Variants in BLVRA observed in about 807,000 individuals in gnomAD.
The protein encoded by BLVRA is BVR A.
Under a neutral mutation model 32.8 loss-of-function variants are expected in BLVRA, and 22 were observed. The observed-to-expected ratio is 0.67, with a 90% CI of 0.48 to 0.96. BLVRA has a LOEUF of 0.96. Ranked by LOEUF, BLVRA falls within the 40% of genes least tolerant of loss-of-function variation. BLVRA has a pLI of 0.00. For synonymous variants in BLVRA, 119 were observed against 141.3 expected (o/e 0.84, Z 1.12); for missense variants, 323 against 358.1 (o/e 0.90, Z 0.79).
At chr7:43,765,153 T>C (rs1446969688) in intron 1 of BLVRA, among the ~76,000 whole-genome samples, 1 of 152,242 alleles carries the variant, frequency 6.6e-6, no homozygotes, top group Non-Finnish European at 1.5e-5. Context: ...TGCAAAGGTG[T>C]TGACTTTTTT....
intron 2 of BLVRA, among the ~76,000 whole-genome samples, chr7:43,780,927 A>G (rs1025814252): frequency 2.0e-5 from 3 of 152,258 alleles, no homozygotes; most frequent in Admixed American, 6.5e-5. Context: ...TGGGCGGATC[A>G]ACTGAGGTCA....
upstream of BLVRA, among the ~76,000 whole-genome samples, chr7:43,758,478 C>T (rs2095738580): frequency 6.6e-6 from 1 of 150,478 alleles, no homozygotes; most frequent in South Asian, 2.1e-4. Flanking sequence ...GGCAGGCGCA[C>T]GGACGGTTCT....
intron 7 of BLVRA, among the ~76,000 whole-genome samples, chr7:43,804,927 T>C (rs193023398): frequency 5.3e-5 from 8 of 152,230 alleles, no homozygotes; most frequent in Non-Finnish European, 8.8e-5. Flanking sequence ...ATCTAGTCCA[T>C]TTTGAGGAGT....
chr7:43,790,031 G>T (rs2095783604), intron 3 of BLVRA, among the ~76,000 whole-genome samples: 1 of 152,016 alleles, frequency 6.6e-6, no homozygotes, highest in Non-Finnish European at 1.5e-5. Context: ...ATTTAGTTTG[G>T]GTGGCCCCAT....
chr7:43,764,418 C>G (rs2095745587), intron 1 of BLVRA: 2 of 152,174 alleles, frequency 1.3e-5, no homozygotes, highest in East Asian at 1.9e-4. Flanking sequence ...TTATGCCCTT[C>G]CAAGTTTAAA....
chr7:43,795,164 T>C (rs1328671570), intron 5 of BLVRA, among the ~76,000 whole-genome samples: 1 of 152,120 alleles, frequency 6.6e-6, no homozygotes, highest in Non-Finnish European at 1.5e-5. Flanking sequence ...TGAGCCAAGA[T>C]TGTGGCATTG....
At chr7:43,775,427 T>G (rs989707700) in intron 2 of BLVRA, among the ~76,000 whole-genome samples, 2 of 152,252 alleles carry the variant, frequency 1.3e-5, no homozygotes, top group African/African-American at 2.4e-5. Context: ...GTTCTGTTTA[T>G]ATGCTGGATT....
In BLVRA at chr7:43,779,108, G is replaced by A. The variant is rs559471164; in HGVS notation, c.12+7938G>A. 1.5e-4 allele frequency among the ~76,000 whole-genome samples: 23 copies of A among 152,312 alleles called. No individual in the cohort carries two copies. In the East Asian group the frequency reaches 2.9e-3, roughly 19 times the overall value. The stretch of plus-strand genomic sequence containing the variant: ...AACTCCCTGACCCCTTGCGCTTCCC[G>A]AGTGAGGCACTGCCTCGCCCTGCTT... On this transcript the variant is annotated intron_variant, in intron 2 of 7. Coordinates refer to ENST00000265523, the MANE Select transcript of BLVRA (RefSeq NM_000712.4).
chr7:43,788,087 C>T (rs1026577333), intron 3 of BLVRA, 62 bp downstream of exon 3: 47 of 1,613,206 alleles, frequency 2.9e-5, no homozygotes, highest in African/African-American at 4.0e-5. Context: ...GGATTAGCTG[C>T]AGGACATGGA....
chr7:43,791,711 G>C (rs1282804152), intron 4 of BLVRA: 2 of 254,060 alleles, frequency 7.9e-6, no homozygotes, highest in Non-Finnish European at 7.9e-6. Context: ...AGGATGTGGA[G>C]CCGGCATCCT....
At chr7:43,805,376 G>A (rs183117740) in intron 7 of BLVRA, among the ~76,000 whole-genome samples, 6 of 151,814 alleles carry the variant, frequency 4.0e-5, no homozygotes, top group African/African-American at 1.4e-4. Flanking sequence ...TCCATCTCCC[G>A]GGTTCAAGTG....
chr7:43,802,304 T>A lies in BLVRA; in HGVS notation c.461-1372T>A. ...GTTTTATATATAACTTATTACTTTTTAAGAATATACTCATTGTTATTAGTC... is the reference window on the plus strand; with the variant it reads ...GTTTTATATATAACTTATTACTTTTAAAGAATATACTCATTGTTATTAGTC... On this transcript the variant is annotated intron_variant, in intron 6 of 7. Transcript: ENST00000265523. Among the ~76,000 whole-genome samples, 3 of 152,322 alleles carry A rather than the reference T, an allele frequency of 2.0e-5. No homozygotes were observed. The Middle Eastern group carries it at 0.01, about 518-fold the overall frequency.
chr7:43,773,894 G>C lies in BLVRA; in HGVS notation c.12+2724G>C, dbSNP rs1451068711. Among the ~76,000 whole-genome samples, 6 of 152,344 alleles carry C rather than the reference G, an allele frequency of 3.9e-5. No homozygotes were observed. The East Asian group carries it at 9.6e-4, about 24-fold the overall frequency. ...TTGCATTTCTCTGATGGCCAGTGAT[G>C]ATGAGCACTTTTTCATGTGTTTTTT... On this transcript the variant is annotated intron_variant, in intron 2 of 7. Transcript: ENST00000265523.
At chr7:43,767,606 C>T (rs1284459941) in intron 1 of BLVRA, 1 of 882,706 alleles carries the variant, frequency 1.1e-6, no homozygotes, top group Non-Finnish European at 1.9e-6. Flanking sequence ...TTAAAGTGAA[C>T]ATCACCTTTT....
intron 2 of BLVRA, among the ~76,000 whole-genome samples, chr7:43,783,153 T>C (rs1292085174): frequency 6.6e-6 from 1 of 152,052 alleles, no homozygotes; most frequent in African/African-American, 2.4e-5. Flanking sequence ...AGATAGTGAA[T>C]ACATTTGTGT....
intron 1 of BLVRA, among the ~76,000 whole-genome samples, chr7:43,765,082 G>T (rs1221318577): frequency 6.6e-6 from 1 of 152,166 alleles, no homozygotes; most frequent in African/African-American, 2.4e-5. Context: ...TTTGCAGACC[G>T]GCTGCAGTAG....
chr7:43,779,227 C>G (rs894501022), intron 2 of BLVRA, among the ~76,000 whole-genome samples: 2 of 152,260 alleles, frequency 1.3e-5, no homozygotes, highest in African/African-American at 4.8e-5. Context: ...CACCCGTCTT[C>G]TGCGTTGCTC....
intron 1 of BLVRA, among the ~76,000 whole-genome samples, chr7:43,768,993 A>G (rs548012807): frequency 1.3e-5 from 2 of 151,660 alleles, no homozygotes; most frequent in East Asian, 1.9e-4. Flanking sequence ...TTGGGGAAAA[A>G]AGAGATAAGG....
At chr7:43,766,854 A>G (rs2095748571) in intron 1 of BLVRA, among the ~76,000 whole-genome samples, 1 of 152,194 alleles carries the variant, frequency 6.6e-6, no homozygotes, top group Non-Finnish European at 1.5e-5. Flanking sequence ...CAATGTGGCC[A>G]GGTGCAGTGG....
Sources: allele counts gnomAD v4.1 joint callset (sites outside exome capture counted in the v4.1 genomes callset), GRCh38; gene constraint gnomAD v4.1.1; transcripts MANE v1.5; gene names NCBI Gene and HGNC (gene_info 2026-07-23, HGNC 2026-07-21).